Variants in SEMA3A observed in about 807,000 individuals in gnomAD.
SEMA3A encodes semaphorin-3A.
Under a neutral mutation model 97.9 loss-of-function variants are expected in SEMA3A, and 29 were observed. The observed-to-expected ratio is 0.30, with a 90% confidence interval of 0.22 to 0.40. The LOEUF (loss-of-function observed/expected upper bound fraction) is 0.40. SEMA3A is among the 10% of genes least tolerant of loss of function. The probability of loss-of-function intolerance (pLI) is 1.00; values close to 1 mark genes in which losing one functional copy is unlikely to be tolerated. For synonymous variants in SEMA3A, 321 were observed against 323.7 expected (o/e 0.99, Z 0.09); for missense variants, 763 against 951.3 (o/e 0.80, Z 2.60).
chr7:84,411,629 T>C (rs934078835), intron 1 of SEMA3A, among the ~76,000 whole-genome samples: 2 of 151,842 alleles, frequency 1.3e-5, no homozygotes, highest in African/African-American at 4.8e-5. Flanking sequence ...TGCAGTGGCC[T>C]CAAATATATT....
chr7:84,463,001 T>G (rs1331133988), intron 1 of SEMA3A, among the ~76,000 whole-genome samples: 3 of 152,070 alleles, frequency 2.0e-5, no homozygotes, highest in Non-Finnish European at 4.4e-5. Flanking sequence ...AGTTAGAAAT[T>G]TCTTCCATCT....
chr7:84,337,349 T>G (rs1320865344), intron 2 of SEMA3A, among the ~76,000 whole-genome samples: 2 of 152,134 alleles, frequency 1.3e-5, no homozygotes, highest in Non-Finnish European at 2.9e-5. Context: ...GCACAAAAAA[T>G]GCACAGAGAT....
chr7:84,345,773 G>C (rs1802284776), intron 2 of SEMA3A, among the ~76,000 whole-genome samples: 1 of 152,110 alleles, frequency 6.6e-6, no homozygotes, highest in Admixed American at 6.6e-5. Flanking sequence ...TTGCTCCACG[G>C]AAGTCTTCAA....
chr7:84,000,046 CAT>C (rs1426806361), intron 12 of SEMA3A, among the ~76,000 whole-genome samples: 1 of 151,894 alleles, frequency 6.6e-6, no homozygotes, highest in African/African-American at 2.4e-5. Context: ...TCATTTAATA[CAT>C]GTTGGTTTAA....
At chr7:84,135,454 C>T (rs1562804265) in intron 1 of SEMA3A, among the ~76,000 whole-genome samples, 3 of 152,002 alleles carry the variant, frequency 2.0e-5, no homozygotes. Context: ...TTGCTGGTTT[C>T]ATACTTAATA....
chr7:84,430,363 C>T (rs578074586), intron 1 of SEMA3A, among the ~76,000 whole-genome samples: 38 of 151,934 alleles, frequency 2.5e-4, no homozygotes, highest in Admixed American at 2.2e-3. Context: ...AACACACTTT[C>T]TAAGCAGGGA....
rs869145201 is a variant in SEMA3A, at chr7:84,313,356, G to GTATATA, written c.-168-6070_-168-6065dup. Among the ~76,000 whole-genome samples, 44 of 22,996 alleles carry GTATATA rather than the reference G, an allele frequency of 1.9e-3. 1 individual carries two copies. Among genetic ancestry groups the GTATATA allele is most frequent in the Non-Finnish European group, 2.4e-3 (24 of 9,970 alleles). 15.1% of individuals were successfully genotyped at this position (22,996 alleles called of 152,430 possible). ...TATATATATATGTATATGTGTGTGT[G>GTATATA]TATATATATATATATATATATATAT... On this transcript the variant is annotated intron_variant, in intron 2 of 3. Coordinates refer to the SEMA3A transcript ENST00000424555.
At chr7:84,382,264 C>A (rs1803280059) in intron 1 of SEMA3A, among the ~76,000 whole-genome samples, 1 of 151,668 alleles carries the variant, frequency 6.6e-6, no homozygotes, top group African/African-American at 2.4e-5. Context: ...CCTGCCGCCA[C>A]CGCCAACTAA....
At chr7:84,106,156 C>G (rs773757836) in intron 4 of SEMA3A, among the ~76,000 whole-genome samples, 10 of 152,142 alleles carry the variant, frequency 6.6e-5, no homozygotes, top group African/African-American at 1.2e-4. Flanking sequence ...AGTGTAAATA[C>G]AGTCAGGTGA....
chr7:84,470,789 G>C (rs988976048), intron 1 of SEMA3A, among the ~76,000 whole-genome samples: 14 of 151,922 alleles, frequency 9.2e-5, no homozygotes, highest in Non-Finnish European at 1.9e-4. Context: ...AGCTGGCCCA[G>C]CTCAACCTCG....
At chr7:84,126,062 A>G (rs1795783958) in intron 3 of SEMA3A, among the ~76,000 whole-genome samples, 1 of 152,164 alleles carries the variant, frequency 6.6e-6, no homozygotes, top group Non-Finnish European at 1.5e-5. Context: ...TCACTTAGAA[A>G]TTGTCCATAC....
At chr7:84,325,337 G>A (rs928346899) in intron 2 of SEMA3A, among the ~76,000 whole-genome samples, 18 of 151,960 alleles carry the variant, frequency 1.2e-4, no homozygotes, top group African/African-American at 1.7e-4. Context: ...AAATACTACC[G>A]AAGTGAGGCA....
chr7:84,033,964 C>A (rs1035454622), intron 6 of SEMA3A, among the ~76,000 whole-genome samples: 2 of 149,178 alleles, frequency 1.3e-5, no homozygotes, highest in African/African-American at 4.9e-5. Context: ...AATCCTTCAA[C>A]TTTGGCAATT....
intron 3 of SEMA3A, among the ~76,000 whole-genome samples, chr7:84,111,500 A>G (rs1182699292): frequency 6.6e-6 from 1 of 152,176 alleles, no homozygotes; most frequent in Non-Finnish European, 1.5e-5. Context: ...CCCATAAAAG[A>G]AGGATCAGGC....
At position 84,024,421 on chromosome 7, in the gene SEMA3A, C is replaced by G. The variant is rs113462699; in HGVS notation, c.668-10070G>C. Among the ~76,000 whole-genome samples the G allele has an allele frequency of 3.3e-3, 504 of 152,016 alleles. 2 individuals are homozygous for G. Among genetic ancestry groups the G allele is most frequent in the African/African-American group, 0.012 (483 of 41,454 alleles). ...ATTAGACGAGTATGGTGGCACACAC[C>G]TATAATCCCAGCTATTCGGGAGGCT... On this transcript the variant is annotated intron_variant, in intron 6 of 16. Transcript: ENST00000265362.
intron 2 of SEMA3A, among the ~76,000 whole-genome samples, chr7:84,317,890 T>C (rs939568408): frequency 2.6e-5 from 4 of 152,178 alleles, no homozygotes; most frequent in African/African-American, 7.2e-5. Context: ...TTAAGGTATA[T>C]TTGTTTCTTA....
intron 1 of SEMA3A, among the ~76,000 whole-genome samples, chr7:84,150,472 G>C (rs1361154195): frequency 1.3e-5 from 2 of 152,180 alleles, no homozygotes; most frequent in African/African-American, 2.4e-5. Context: ...TCAAAGAAAG[G>C]GGTGACGGAC....
intron 2 of SEMA3A, among the ~76,000 whole-genome samples, chr7:84,352,258 G>A (rs1454789970): frequency 6.6e-6 from 1 of 151,850 alleles, no homozygotes; most frequent in East Asian, 1.9e-4. Context: ...GGAGAAGTGG[G>A]GATGGTTAAT....
intron 2 of SEMA3A, among the ~76,000 whole-genome samples, chr7:84,339,597 C>T (rs1802114411): frequency 6.6e-6 from 1 of 152,128 alleles, no homozygotes; most frequent in African/African-American, 2.4e-5. Context: ...TTTCCCCCAT[C>T]ATTGTGGTTC....
Sources: allele counts gnomAD v4.1 joint callset (sites outside exome capture counted in the v4.1 genomes callset), GRCh38; gene constraint gnomAD v4.1.1; transcripts MANE v1.5; gene names NCBI Gene and HGNC (gene_info 2026-07-23, HGNC 2026-07-21).